The following VTCN1 variants were observed in gnomAD, a reference collection of about 807,000 sequenced individuals.
The protein encoded by VTCN1 is V-set domain containing T cell activation inhibitor 1, also known as V-set domain-containing T-cell activation inhibitor 1.
VTCN1 carries 26 observed loss-of-function variants against 26.5 expected under a neutral mutation model. The ratio of observed to expected loss-of-function variants is 0.98; its 90% CI spans 0.72 to 1.36. The LOEUF (loss-of-function observed/expected upper bound fraction) is 1.36, where lower values mean the gene tolerates loss of function less well. Ranked by LOEUF, VTCN1 falls within the 40% of genes most tolerant of loss-of-function variation. The pLI, the probability that VTCN1 is intolerant of heterozygous loss-of-function variation, is 0.00. For synonymous variants in VTCN1, 116 were observed against 130.7 expected (o/e 0.89, Z 0.77); for missense variants, 298 against 337.7 (o/e 0.88, Z 0.92).
intron 1 of VTCN1, among the ~76,000 whole-genome samples, chr1:117,187,962 T>A (rs547396157): frequency 1.3e-5 from 2 of 152,328 alleles, no homozygotes; most frequent in African/African-American, 4.8e-5. Context: ...ATTATTTCCA[T>A]AATGCTTAGC....
chr1:117,171,580 A>G (rs1033743974), intron 1 of VTCN1, among the ~76,000 whole-genome samples: 5 of 152,214 alleles, frequency 3.3e-5, no homozygotes, highest in Non-Finnish European at 7.3e-5. Context: ...TTTAATGAAC[A>G]GATTAACAAA....
Position 117,195,680 on chromosome 1 carries a change from G to A in VTCN1, c.32+15144C>T, listed in dbSNP as rs142649744. On this transcript the variant is annotated intron_variant, in intron 1 of 5. Transcript: ENST00000369458. ...TTACTTTAAAGCATATAAATGGTTG[G>A]TAGGAGCATAAGTTGGTACCAACTT... 6.0e-4 allele frequency among the ~76,000 whole-genome samples: 92 copies of A among 152,264 alleles called. No homozygotes were observed. In the East Asian group the frequency reaches 0.014, roughly 23 times the overall value.
At chr1:117,188,780 T>G (rs1172224155) in intron 1 of VTCN1, among the ~76,000 whole-genome samples, 1 of 152,218 alleles carries the variant, frequency 6.6e-6, no homozygotes, top group African/African-American at 2.4e-5. Context: ...TGAAAGCAGT[T>G]CGTATTTTTA....
intron 1 of VTCN1, among the ~76,000 whole-genome samples, chr1:117,182,857 T>C (rs892264016): frequency 6.6e-6 from 1 of 152,158 alleles, no homozygotes; most frequent in African/African-American, 2.4e-5. Context: ...CCTGATGCTA[T>C]GTGCTGTGTC....
Position 117,203,088 on chromosome 1 carries a change from C to G in VTCN1, c.32+7736G>C, listed in dbSNP as rs371081646. On this transcript the variant is annotated intron_variant, in intron 1 of 5. Transcript: ENST00000369458. ...CAGAGGGGCTGACCTTTGATAGGAG[C>G]TCAGCAAATCCTCTGGTACCAGGAG... is the stretch of plus-strand genomic sequence containing the variant. Among the ~76,000 whole-genome samples the G allele has an allele frequency of 4.1e-4, 62 of 152,120 alleles. 1 individual carries two copies. The South Asian group carries it at 0.01, about 25-fold the overall frequency.
chr1:117,186,631 G>A (rs922914389), intron 1 of VTCN1, among the ~76,000 whole-genome samples: 5 of 152,326 alleles, frequency 3.3e-5, no homozygotes, highest in African/African-American at 1.2e-4. Flanking sequence ...TGAGAGGGTA[G>A]GTATAATGGA....
intron 1 of VTCN1, among the ~76,000 whole-genome samples, chr1:117,178,999 A>C (rs1647538887): frequency 2.0e-5 from 3 of 152,202 alleles, no homozygotes. Flanking sequence ...AACCACGGGA[A>C]TCTCAGGCTA....
chr1:117,186,311 G>A (rs1307940101), intron 1 of VTCN1, among the ~76,000 whole-genome samples: 1 of 152,184 alleles, frequency 6.6e-6, no homozygotes, highest in Non-Finnish European at 1.5e-5. Context: ...TGTAGCTATG[G>A]TGTGGTTGGA....
At chr1:117,188,414 T>C (rs919236995) in intron 1 of VTCN1, among the ~76,000 whole-genome samples, 17 of 152,204 alleles carry the variant, frequency 1.1e-4, no homozygotes, top group Non-Finnish European at 1.9e-4. Flanking sequence ...ATGTGTGAAG[T>C]AGACTTTTGG....
chr1:117,150,227 T>C (rs1273476951), intron 4 of VTCN1, among the ~76,000 whole-genome samples: 1 of 152,218 alleles, frequency 6.6e-6, no homozygotes, highest in East Asian at 1.9e-4. Context: ...TTCTTGGGAA[T>C]GTAGAATGAG....
Position 117,173,134 on chromosome 1 carries a change from A to G in VTCN1, c.33-2963T>C, listed in dbSNP as rs1181011725. On this transcript the variant is annotated intron_variant, in intron 1 of 5. Coordinates refer to ENST00000369458, the MANE Select transcript of VTCN1 (RefSeq NM_024626.4). ...CAGAACCCACAGGGAGGAGCAAACA[A>G]CTCCGGAACAAACAACTCCGGACGC... 4.2e-6 allele frequency: 3 copies of G among 713,306 alleles called. No individual in the cohort carries two copies. The East Asian group carries it at 8.1e-5, about 19-fold the overall frequency. The allele number at this position is 713,306 out of a possible 1,614,324, so 44.2% of individuals were successfully genotyped here. A position where few individuals can be genotyped will look rare whatever the true frequency, so the allele number is the denominator to read the frequency against.
At chr1:117,153,459 TCA>T in intron 3 of VTCN1, 90 bp from the exon 4 acceptor site, 2 of 1,321,608 alleles carry the variant, frequency 1.5e-6, no homozygotes, top group Non-Finnish European at 1.0e-6. Flanking sequence ...AAAAATGCAG[TCA>T]TTTTTTTTTT....
chr1:117,178,413 T>C (rs1458298783), intron 1 of VTCN1, among the ~76,000 whole-genome samples: 3 of 150,986 alleles, frequency 2.0e-5, no homozygotes, highest in Admixed American at 6.6e-5. Flanking sequence ...TGTGCCACCA[T>C]GCCTGGCTAA....
intron 4 of VTCN1, among the ~76,000 whole-genome samples, chr1:117,148,437 T>C (rs1651624608): frequency 6.6e-6 from 1 of 152,152 alleles, no homozygotes; most frequent in Non-Finnish European, 1.5e-5. Flanking sequence ...GCAAAGCACT[T>C]AGAACAGTGT....
chr1:117,181,963 G>A (rs1481379781), intron 1 of VTCN1, among the ~76,000 whole-genome samples: 1 of 152,170 alleles, frequency 6.6e-6, no homozygotes, highest in Non-Finnish European at 1.5e-5. Flanking sequence ...CACCGTGACT[G>A]TTTTGAATTT....
At chr1:117,171,112 T>C (rs182803729) in intron 1 of VTCN1, among the ~76,000 whole-genome samples, 9 of 152,314 alleles carry the variant, frequency 5.9e-5, no homozygotes, top group African/African-American at 1.4e-4. Flanking sequence ...TGTTTGGTTT[T>C]CTGTTCCTGT....
chr1:117,163,122 G>A (rs1460618657), intron 2 of VTCN1, among the ~76,000 whole-genome samples: 1 of 152,184 alleles, frequency 6.6e-6, no homozygotes, highest in Non-Finnish European at 1.5e-5. Flanking sequence ...CAAAGAAGAC[G>A]GTGGGGTGGG....
At chr1:117,158,694 C>G (rs532910287) in intron 2 of VTCN1, among the ~76,000 whole-genome samples, 6 of 152,206 alleles carry the variant, frequency 3.9e-5, no homozygotes, top group African/African-American at 1.4e-4. Context: ...GCTTGAATTT[C>G]TCCTCAGAAA....
chr1:117,156,064 C>A (rs954436253), intron 3 of VTCN1, among the ~76,000 whole-genome samples: 31 of 152,076 alleles, frequency 2.0e-4, no homozygotes, highest in African/African-American at 3.1e-4. Flanking sequence ...ATTCAGAAAA[C>A]ATATGTTAAA....
Sources: gnomAD v4.1 joint callset for allele counts (sites outside exome capture counted in the v4.1 genomes callset) on GRCh38, gnomAD v4.1.1 for gene constraint, MANE v1.5 for transcripts, NCBI Gene and HGNC (gene_info 2026-07-23, HGNC 2026-07-21) for gene names.